CEP78: variants seen among roughly 807,000 people sequenced by gnomAD.
CEP78 encodes the protein centrosomal protein 78.
CEP78 carries 76 observed loss-of-function variants against 81.2 expected under a neutral mutation model. That is an observed-to-expected ratio of 0.94 (90% CI 0.78 to 1.13). CEP78 has a LOEUF of 1.13. Among genes scored for constraint, CEP78 ranks in the 50% most tolerant of loss-of-function variants. CEP78 has a pLI of 0.00. For synonymous variants in CEP78, 293 were observed against 301.4 expected, an observed-to-expected ratio of 0.97 and a Z score of 0.29; for missense variants, 918 against 846.8, an observed-to-expected ratio of 1.08 and a Z score of -1.04.
rs533611577 is a variant in CEP78, at chr9:78,255,067, T to C, written c.1380+103T>C. 228 of 902,288 alleles carry C rather than the reference T, an allele frequency of 2.5e-4. No homozygotes were observed. In the African/African-American group the frequency reaches 3.6e-3, roughly 14 times the overall value. The allele number at this position is 902,288 out of a possible 1,614,324, so 55.9% of individuals were successfully genotyped here. On this transcript the variant is annotated intron_variant, in intron 11 of 16. Transcript: ENST00000643273. ...AACTGGACAGCTTGCATGGGAATTC[T>C]GTTTTCGCCTTCCTTCTATCTCATA...
intron 11 of CEP78, among the ~76,000 whole-genome samples, chr9:78,259,438 T>C (rs1827178444): frequency 6.6e-6 from 1 of 152,216 alleles, no homozygotes; most frequent in African/African-American, 2.4e-5. Flanking sequence ...GAGTATTCCC[T>C]GATAGTGTGT....
intron 16 of CEP78, among the ~76,000 whole-genome samples, chr9:78,267,403 TCA>T (rs551570303): frequency 3.5e-4 from 54 of 152,272 alleles, no homozygotes; most frequent in African/African-American, 1.2e-3. Flanking sequence ...TAAATATATA[TCA>T]CATGGCCAGA....
At chr9:78,240,887 T>C (rs1360876579) in intron 3 of CEP78, among the ~76,000 whole-genome samples, 2 of 151,482 alleles carry the variant, frequency 1.3e-5, no homozygotes. Context: ...GGTGTGAACC[T>C]GGGAGGCAGA....
chr9:78,264,047 CA>C, intron 12 of CEP78, 102 bp from the exon 13 acceptor site: 1 of 844,258 alleles, frequency 1.2e-6, no homozygotes, highest in South Asian at 2.5e-5. Context: ...AGATTAACTG[CA>C]AATTAATTAC....
intron 14 of CEP78, 56 bp from the exon 15 acceptor site, chr9:78,265,803 A>G (rs2118484231): frequency 1.1e-6 from 1 of 914,182 alleles, no homozygotes; most frequent in South Asian, 1.4e-5. Flanking sequence ...AAGATTAGAG[A>G]AATGATTTTC....
At chr9:78,263,043 A>ACC (rs1827349025) in intron 12 of CEP78, 59 bp downstream of exon 12, 4 of 940,502 alleles carry the variant, frequency 4.3e-6, no homozygotes, top group Non-Finnish European at 4.9e-6. Flanking sequence ...GTTTAACTTT[A>ACC]AGTCATACAT....
rs147821680 is a variant in CEP78, at chr9:78,273,800, G to A, written c.*2949G>A. On this transcript the variant is annotated 3_prime_UTR_variant, in exon 17 of 17. Transcript: ENST00000643273. ...ATAGGGTAAGAATTTAGAAATACAA[G>A]GAAAAATGGCCAGCCAGTTATAACA... 2.1e-4 allele frequency: 32 copies of A among 152,222 alleles called. No homozygotes were observed. The East Asian group carries it at 5.4e-3, about 26-fold the overall frequency. The allele number at this position is 152,222 out of a possible 1,614,324, so 9.4% of individuals were successfully genotyped here. A position where few individuals can be genotyped will look rare whatever the true frequency, so the allele number is the denominator to read the frequency against.
chr9:78,247,162 C>T (rs974018391), intron 6 of CEP78, among the ~76,000 whole-genome samples: 10 of 152,156 alleles, frequency 6.6e-5, no homozygotes, highest in African/African-American at 2.4e-4. Context: ...ACCAGCTAGA[C>T]AAATTCTTGG....
intron 12 of CEP78, chr9:78,263,942 A>G (rs1404925984): frequency 9.8e-6 from 3 of 307,080 alleles, no homozygotes; most frequent in Non-Finnish European, 1.8e-5. Context: ...ATAATTAATG[A>G]AATACTATTT....
chr9:78,240,252 A>C (rs1826162207), intron 2 of CEP78, 40 bp from the exon 3 acceptor site: 1 of 1,611,956 alleles, frequency 6.2e-7, no homozygotes, highest in African/African-American at 1.3e-5. Context: ...AGAGGAAAAA[A>C]AACCTCAATA....
At position 78,272,715 on chromosome 9, in the gene CEP78, C is replaced by T. The variant is rs1374608125; in HGVS notation, c.*1864C>T. The T allele has an allele frequency of 6.6e-6, 1 of 152,198 alleles. No individual in the cohort carries two copies. Among genetic ancestry groups the T allele is most frequent in the Non-Finnish European group, 1.5e-5 (1 of 68,032 alleles). The allele number at this position is 152,198 out of a possible 1,614,324, so 9.4% of individuals were successfully genotyped here. On this transcript the variant is annotated 3_prime_UTR_variant, in exon 17 of 17. Coordinates refer to ENST00000643273, the MANE Select transcript of CEP78 (RefSeq NM_001330691.3). ...CCCAAATTTTAATTACTTTCAACAACATAGGTTTATTTGTGCCCATGCAGT... is the reference window on the plus strand; with the variant it reads ...CCCAAATTTTAATTACTTTCAACAATATAGGTTTATTTGTGCCCATGCAGT...
chr9:78,248,439 T>G, intron 7 of CEP78, 84 bp downstream of exon 7: 3 of 892,148 alleles, frequency 3.4e-6, no homozygotes, highest in Non-Finnish European at 5.5e-6. Context: ...CAGCCTGGCC[T>G]CAAACTTCTG....
Position 78,236,542 on chromosome 9 carries a change from C to G in CEP78, c.192C>G (p.Ile64Met). The G allele has an allele frequency of 6.3e-7, 1 of 1,599,568 alleles. No individual in the cohort carries two copies. Among genetic ancestry groups the G allele is most frequent in the Non-Finnish European group, 8.5e-7 (1 of 1,172,830 alleles). ...DWAPLLSTLK[I>M]NKDLPLVSIK... ...CGCCTCTGCTGAGCACCCTCAAGAT[C>G]AATAAAGACCTGCCCTTGGTCTCCA... is the stretch of plus-strand genomic sequence containing the variant. The change falls in exon 1 of 17, where the codon ATC (isoleucine) becomes ATG (methionine). Residue 64 changes from isoleucine (I) to methionine (M), a missense_variant. Transcript: ENST00000643273.
At position 78,248,351 on chromosome 9, in the gene CEP78, C is replaced by T; in HGVS notation, c.953C>T (p.Ser318Leu). 1 of 1,557,084 alleles carries T rather than the reference C, an allele frequency of 6.4e-7. No homozygotes were observed. Among genetic ancestry groups the T allele is most frequent in the Non-Finnish European group, 8.9e-7 (1 of 1,128,304 alleles). ...KVLQNGRSAKSEYQWITSPSV... is the reference protein window; with the variant it reads ...KVLQNGRSAKLEYQWITSPSV... ...CTCCAGAATGGAAGGAGTGCCAAAT[C>T]AGAGGTATATCATGTTTTATTTCTC... Residue 318 changes from serine to leucine, a missense_variant, in exon 7 of 17, where the codon TCA becomes TTA. Physicochemically the swap from Ser to Leu is moderately radical, Grantham distance 145 (BLOSUM62 -2). Coordinates refer to ENST00000643273, the MANE Select transcript of CEP78 (RefSeq NM_001330691.3).
At chr9:78,253,537 A>G in intron 10 of CEP78, 1 of 380,402 alleles carries the variant, frequency 2.6e-6, no homozygotes, top group Non-Finnish European at 4.8e-6. Context: ...CTCCAGCAAA[A>G]CAAATTTGAC....
At position 78,276,403 on chromosome 9, in the gene CEP78, A is replaced by G. The variant is rs1360056383; in HGVS notation, c.*5552A>G. On this transcript the variant is annotated 3_prime_UTR_variant, in exon 17 of 17. Transcript: ENST00000643273. The stretch of plus-strand genomic sequence containing the variant: ...ATATACCTAACAGAAATCCACAGGA[A>G]ACAAACTTGGTGAAAAGTTTTTGCT... 1 of 152,246 alleles carries G rather than the reference A, an allele frequency of 6.6e-6. No individual in the cohort carries two copies. Among genetic ancestry groups the G allele is most frequent in the East Asian group, 1.9e-4 (1 of 5,200 alleles). The allele number at this position is 152,246 out of a possible 1,614,324, so 9.4% of individuals were successfully genotyped here.
At position 78,236,969 on chromosome 9, in the gene CEP78, C is replaced by CTTTTTTTTTTT. The variant is rs71360676; in HGVS notation, c.253+385_253+395dup. On this transcript the variant is annotated intron_variant, in intron 1 of 16. Transcript: ENST00000643273. ...GAAATTAATACATGTCAGCCTTTGT[C>CTTTTTTTTTTT]TTTTTTTTTTTTTTTTTTTTTTTTT... 3.6e-3 allele frequency among the ~76,000 whole-genome samples: 225 copies of CTTTTTTTTTTT among 62,110 alleles called. 33 individuals carry two copies. The highest frequency in any genetic ancestry group is 4.2e-3 in the African/African-American group (68 of 16,056). 40.7% of individuals were successfully genotyped at this position (62,110 alleles called of 152,430 possible).
At chr9:78,241,349 C>G (rs561870128) in intron 3 of CEP78, among the ~76,000 whole-genome samples, 1 of 152,214 alleles carries the variant, frequency 6.6e-6, no homozygotes, top group East Asian at 1.9e-4. Flanking sequence ...AGATTGAGGT[C>G]TGCTCTTGGA....
chr9:78,249,625 T>C (rs573846435), intron 8 of CEP78: 384 of 152,272 alleles, frequency 2.5e-3, no homozygotes, highest in African/African-American at 9.0e-3. Flanking sequence ...AAATTTGGTA[T>C]AATCTAGTTC....
Sources: allele counts gnomAD v4.1 joint callset (sites outside exome capture counted in the v4.1 genomes callset), GRCh38; gene constraint gnomAD v4.1.1; transcripts MANE v1.5; gene names NCBI Gene and HGNC (gene_info 2026-07-23, HGNC 2026-07-21).